NEGR1: variants seen among roughly 807,000 people sequenced by gnomAD.
NEGR1 encodes IgLON family member 4.
Under a neutral mutation model 40.9 loss-of-function variants are expected in NEGR1, and 10 were observed. That is an observed-to-expected ratio of 0.24 (90% CI 0.15 to 0.42). The LOEUF is 0.42. Ranked by LOEUF, NEGR1 falls within the 10% of genes least tolerant of loss-of-function variation. NEGR1 has a pLI of 1.00. For synonymous variants in NEGR1, 185 were observed against 166.8 expected (o/e 1.11, Z -0.84); for missense variants, 352 against 438.9 (o/e 0.80, Z 1.77).
chr1:72,046,858 A>T (rs1263538382), intron 1 of NEGR1, among the ~76,000 whole-genome samples: 1 of 151,672 alleles, frequency 6.6e-6, no homozygotes, highest in African/African-American at 2.4e-5. Context: ...AGATGATCAA[A>T]AGGTCTACAA....
intron 1 of NEGR1, among the ~76,000 whole-genome samples, chr1:72,248,237 T>C (rs968246362): frequency 1.3e-5 from 2 of 152,158 alleles, no homozygotes; most frequent in Non-Finnish European, 2.9e-5. Flanking sequence ...ACTCAGTCTT[T>C]GACTTTCTCA....
chr1:71,840,724 T>G (rs1260730503), intron 2 of NEGR1, among the ~76,000 whole-genome samples: 1 of 152,310 alleles, frequency 6.6e-6, no homozygotes, highest in East Asian at 1.9e-4. Context: ...ATTAATTTTA[T>G]GAGTCAGGTT....
intron 3 of NEGR1, among the ~76,000 whole-genome samples, chr1:71,706,840 C>T (rs192773939): frequency 1.3e-3 from 194 of 152,066 alleles, no homozygotes; most frequent in Non-Finnish European, 1.8e-3. Flanking sequence ...GAATAACCAG[C>T]AACGATACCC....
rs139392788 is a variant in NEGR1, at chr1:71,738,420, T to C, written c.535+37752A>G. ...CTTCCTCCACCCTCCCCAGAGAACT[T>C]TGGGCAACTGGTGGACCTAGGCAGG... On this transcript the variant is annotated intron_variant, in intron 3 of 6. Coordinates refer to ENST00000357731, the MANE Select transcript of NEGR1 (RefSeq NM_173808.3). The C allele has an allele frequency of 7.6e-4, 126 of 166,886 alleles. 1 individual carries two copies. In the East Asian group the frequency reaches 0.022, roughly 29 times the overall value. The allele number at this position is 166,886 out of a possible 1,614,324, so 10.3% of individuals were successfully genotyped here. A position where few individuals can be genotyped will look rare whatever the true frequency, so the allele number is the denominator to read the frequency against.
chr1:72,091,881 A>G (rs2100545436), intron 1 of NEGR1, among the ~76,000 whole-genome samples: 1 of 152,122 alleles, frequency 6.6e-6, no homozygotes, highest in Non-Finnish European at 1.5e-5. Context: ...CTGCCATCTC[A>G]CTGTGCCCTC....
At chr1:72,175,349 T>C (rs147405457) in intron 1 of NEGR1, among the ~76,000 whole-genome samples, 319 of 152,220 alleles carry the variant, frequency 2.1e-3, no homozygotes, top group Middle Eastern at 0.014. Context: ...ACAGAGAAGG[T>C]AAGTCATATC....
intron 1 of NEGR1, among the ~76,000 whole-genome samples, chr1:71,992,424 C>A (rs1031004448): frequency 6.6e-6 from 1 of 151,778 alleles, no homozygotes; most frequent in African/African-American, 2.4e-5. Flanking sequence ...TGGCACTACC[C>A]AGTTGAAATA....
At chr1:72,264,655 AGAG>A (rs1044204808) in intron 1 of NEGR1, among the ~76,000 whole-genome samples, 1 of 149,676 alleles carries the variant, frequency 6.7e-6, no homozygotes, top group African/African-American at 2.5e-5. Flanking sequence ...AAATAATTTT[AGAG>A]TAGTATTTTA....
intron 1 of NEGR1, among the ~76,000 whole-genome samples, chr1:71,956,709 G>A (rs1044748222): frequency 1.8e-4 from 28 of 152,012 alleles, no homozygotes; most frequent in Admixed American, 1.6e-3. Context: ...AATTTTAATG[G>A]ACATGTAAGT....
intron 1 of NEGR1, among the ~76,000 whole-genome samples, chr1:72,185,247 C>T (rs562367514): frequency 6.6e-6 from 1 of 151,426 alleles, no homozygotes; most frequent in Admixed American, 6.6e-5. Context: ...AAGAAGAGAC[C>T]ATAATTTGAA....
rs142802039 is a variant in NEGR1, at chr1:72,240,911, T to C, written c.176+41408A>G. 5.1e-3 allele frequency among the ~76,000 whole-genome samples: 781 copies of C among 151,874 alleles called. 7 individuals are homozygous for C. The highest frequency in any genetic ancestry group is 0.018 in the African/African-American group (753 of 41,494). On this transcript the variant is annotated intron_variant, in intron 1 of 6. Transcript: ENST00000357731. ...TGATTAGCCTCCTTCTGATTTCTTA[T>C]TGTTTCCTAACTTTAAACAGTCTTT... is the stretch of plus-strand genomic sequence containing the variant.
At chr1:72,099,414 G>C (rs1299510287) in intron 1 of NEGR1, among the ~76,000 whole-genome samples, 1 of 151,818 alleles carries the variant, frequency 6.6e-6, no homozygotes, top group East Asian at 1.9e-4. Context: ...TAATAGTTTT[G>C]AGCTTCTGAT....
intron 1 of NEGR1, among the ~76,000 whole-genome samples, chr1:71,976,000 C>T (rs963184778): frequency 1.3e-5 from 2 of 152,180 alleles, no homozygotes; most frequent in African/African-American, 4.8e-5. Flanking sequence ...TATCATCAAG[C>T]CCAATGCTTC....
chr1:71,992,010 G>T (rs1251574232), intron 1 of NEGR1, among the ~76,000 whole-genome samples: 1 of 151,978 alleles, frequency 6.6e-6, no homozygotes, highest in Non-Finnish European at 1.5e-5. Flanking sequence ...GCCCAGGCTG[G>T]TCACGAACTC....
intron 6 of NEGR1, among the ~76,000 whole-genome samples, chr1:71,561,292 G>T (rs533563839): frequency 2.5e-4 from 38 of 151,602 alleles, no homozygotes; most frequent in Non-Finnish European, 4.7e-4. Context: ...TTTTCCCATA[G>T]CCCATGTTAT....
chr1:72,135,273 G>A (rs1186300083), intron 1 of NEGR1, among the ~76,000 whole-genome samples: 3 of 149,612 alleles, frequency 2.0e-5, no homozygotes, highest in African/African-American at 7.3e-5. Flanking sequence ...CTACTCGGGA[G>A]GCTGAGGCAG....
intron 1 of NEGR1, among the ~76,000 whole-genome samples, chr1:72,047,219 AG>A (rs1261768164): frequency 6.6e-6 from 1 of 151,444 alleles, no homozygotes; most frequent in Non-Finnish European, 1.5e-5. Flanking sequence ...CAAGCATACA[AG>A]GAAAAGATGA....
intron 3 of NEGR1, among the ~76,000 whole-genome samples, chr1:71,721,045 A>G (rs1285255149): frequency 6.6e-6 from 1 of 152,184 alleles, no homozygotes; most frequent in African/African-American, 2.4e-5. Flanking sequence ...GACAGAGAGA[A>G]AATCAGAGAT....
intron 2 of NEGR1, among the ~76,000 whole-genome samples, chr1:71,839,044 G>A (rs1659141236): frequency 6.6e-6 from 1 of 151,714 alleles, no homozygotes; most frequent in African/African-American, 2.4e-5. Context: ...ACCACATTGG[G>A]AAAGTTGAAA....
Sources: allele counts gnomAD v4.1 joint callset (sites outside exome capture counted in the v4.1 genomes callset), GRCh38; gene constraint gnomAD v4.1.1; transcripts MANE v1.5; gene names NCBI Gene and HGNC (gene_info 2026-07-23, HGNC 2026-07-21).